UBR2: variants seen among roughly 807,000 people sequenced by gnomAD.
The protein encoded by UBR2 is E3 ubiquitin-protein ligase UBR2.
Under a neutral mutation model 247.9 loss-of-function variants are expected in UBR2, and 92 were observed. The ratio of observed to expected loss-of-function variants is 0.37; its 90% CI spans 0.31 to 0.44. UBR2 has a LOEUF of 0.44. Ranked by LOEUF, UBR2 falls within the 20% of genes least tolerant of loss-of-function variation. The pLI is 1.00. For missense variants in UBR2, 1,613 were observed against 2,112.6 expected, an observed-to-expected ratio of 0.76 and a Z score of 4.64; for synonymous variants, 672 against 693.5, an observed-to-expected ratio of 0.97 and a Z score of 0.49.
intron 2 of UBR2, among the ~76,000 whole-genome samples, chr6:42,581,246 G>A (rs1791881460): frequency 6.6e-6 from 1 of 150,850 alleles, no homozygotes; most frequent in Non-Finnish European, 1.5e-5. Flanking sequence ...CTGAAGTGCA[G>A]TGGCATGATC....
chr6:42,586,757 C>T (rs1268868541), intron 2 of UBR2, among the ~76,000 whole-genome samples: 2 of 150,310 alleles, frequency 1.3e-5, no homozygotes, highest in African/African-American at 4.9e-5. Context: ...ACGAACCTTG[C>T]ATTTATAGTT....
chr6:42,678,530 C>A lies in UBR2; in HGVS notation c.4479-9C>A. On this transcript the variant is annotated splice_polypyrimidine_tract_variant and intron_variant, in intron 40 of 46. Coordinates refer to ENST00000372901, the MANE Select transcript of UBR2 (RefSeq NM_001363705.2). Reference sequence around the variant, plus strand: ...TAGATTTCCCAATAATCTTTTTTTTCTTTTTTAGTGCCTTGAAAGAAATAC... The same window carrying A: ...TAGATTTCCCAATAATCTTTTTTTTATTTTTTAGTGCCTTGAAAGAAATAC... 6.3e-7 allele frequency: 1 copy of A among 1,590,040 alleles called. No homozygotes were observed. Among genetic ancestry groups the A allele is most frequent in the South Asian group, 1.2e-5 (1 of 85,914 alleles).
chr6:42,622,942 C>T (rs1396862499), intron 11 of UBR2, among the ~76,000 whole-genome samples: 2 of 151,778 alleles, frequency 1.3e-5, no homozygotes, highest in African/African-American at 2.4e-5. Flanking sequence ...ACTGGGATTA[C>T]AGGCATGAGC....
intron 10 of UBR2, 28 bp downstream of exon 10, chr6:42,616,118 G>T (rs376455516): frequency 2.0e-6 from 3 of 1,518,980 alleles, no homozygotes; most frequent in Non-Finnish European, 2.7e-6. Flanking sequence ...TTTGAAAATA[G>T]GTTATATATA....
chr6:42,645,237 G>A (rs9367159), intron 20 of UBR2, among the ~76,000 whole-genome samples: 139,652 of 152,170 alleles, frequency 0.92, 64,206 homozygotes, highest in East Asian at 1. Flanking sequence ...CAAAACAGCA[G>A]AAAGAGCTCT....
intron 26 of UBR2, 58 bp from the exon 27 acceptor site, chr6:42,657,966 G>C: frequency 7.7e-7 from 1 of 1,306,034 alleles, no homozygotes; most frequent in Admixed American, 1.8e-5. Context: ...CTGTGCGTAG[G>C]AATAAGTACT....
chr6:42,610,999 C>T (rs1041873269), intron 7 of UBR2, among the ~76,000 whole-genome samples: 3 of 151,416 alleles, frequency 2.0e-5, no homozygotes, highest in African/African-American at 7.3e-5. Context: ...GCATGCTCCA[C>T]CACGCTCGGC....
intron 42 of UBR2, 28 bp downstream of exon 42, chr6:42,679,860 T>C (rs1340405678): frequency 8.5e-6 from 13 of 1,529,014 alleles, no homozygotes; most frequent in Non-Finnish European, 1.2e-5. Context: ...TTCTTTGTTG[T>C]ATTAAATAGC....
At chr6:42,685,539 G>A (rs1000669205) in intron 44 of UBR2, among the ~76,000 whole-genome samples, 1 of 149,696 alleles carries the variant, frequency 6.7e-6, no homozygotes, top group Non-Finnish European at 1.5e-5. Flanking sequence ...ACCTTGGCTC[G>A]CTGCAACCTC....
chr6:42,662,566 A>G (rs1797877504), intron 31 of UBR2, among the ~76,000 whole-genome samples: 1 of 152,194 alleles, frequency 6.6e-6, no homozygotes, highest in South Asian at 2.1e-4. Flanking sequence ...ACAGTAGGAT[A>G]AACTCTAGAA....
Position 42,676,872 on chromosome 6 carries a change from A to G in UBR2, c.4477A>G (p.Ser1493Gly). 6.2e-7 allele frequency: 1 copy of G among 1,610,890 alleles called. No homozygotes were observed. The highest frequency in any genetic ancestry group is 8.5e-7 in the Non-Finnish European group (1 of 1,177,232). The part of the protein sequence containing the change: ...LYKTLHQYTG[S>G]ALKEIPSGWH... ...TAAAACACTTCACCAGTATACGGGAAGGTGAGTTAGTTATCTTTACATAAC... is the reference window on the plus strand; with the variant it reads ...TAAAACACTTCACCAGTATACGGGAGGGTGAGTTAGTTATCTTTACATAAC... Residue 1493 changes from serine (S) to glycine (G), a missense_variant and splice_region_variant, in exon 40 of 47, where the codon AGT (serine) becomes GGT (glycine). Physicochemically the swap from Ser to Gly is moderately conservative, Grantham distance 56. Coordinates refer to ENST00000372901, the MANE Select transcript of UBR2 (RefSeq NM_001363705.2).
rs1309877348 is a variant in UBR2, at chr6:42,691,036, G to A, written c.5131G>A (p.Gly1711Arg). Residue 1711 changes from glycine to arginine, a missense_variant, in exon 47 of 47, where the codon GGA becomes AGA. Gly to Arg is a moderately radical substitution (Grantham distance 125, BLOSUM62 -2). This residue lies in a region of UBR2 where 80 missense variants were observed against 108.6 expected (regional missense o/e 0.74). Transcript: ENST00000372901. ...YGETDQGLRR[G>R]NPLHLCKERF... ...ACATGTGTCTTCTCTTTCTAGACGGGGAAATCCTTTACATTTATGCAAAGA... is the reference window on the plus strand; with the variant it reads ...ACATGTGTCTTCTCTTTCTAGACGGAGAAATCCTTTACATTTATGCAAAGA... 1 of 1,613,800 alleles carries A rather than the reference G, an allele frequency of 6.2e-7. No homozygotes were observed. The highest frequency in any genetic ancestry group is 8.5e-7 in the Non-Finnish European group (1 of 1,179,990).
intron 7 of UBR2, among the ~76,000 whole-genome samples, chr6:42,611,036 G>A (rs2151934092): frequency 6.6e-6 from 1 of 150,978 alleles, no homozygotes; most frequent in South Asian, 2.1e-4. Flanking sequence ...AGTAGAGACG[G>A]GGTTTCACCA....
intron 32 of UBR2, 37 bp downstream of exon 32, chr6:42,663,456 A>C (rs1797935070): frequency 1.9e-6 from 3 of 1,558,700 alleles, no homozygotes; most frequent in African/African-American, 2.8e-5. Context: ...ACAAAGCAAT[A>C]GTTTGCTTTG....
intron 4 of UBR2, among the ~76,000 whole-genome samples, chr6:42,600,528 T>A (rs910131813): frequency 1.3e-5 from 2 of 151,406 alleles, no homozygotes; most frequent in African/African-American, 4.9e-5. Context: ...CAGAAATAAT[T>A]CTTTATGATG....
rs1309699094 is a variant in UBR2 at position 42,602,435 on chromosome 6, C to G, written c.532-1153C>G. Among the ~76,000 whole-genome samples the G allele has an allele frequency of 3.3e-5, 5 of 151,932 alleles. No individual in the cohort carries two copies. In the South Asian group the frequency reaches 8.3e-4, roughly 25 times the overall value. ...GCCAGGATGGTTTCAATCTCCTGAC[C>G]TCGCGATCCGCCTGCATCAGCCTCA... On this transcript the variant is annotated intron_variant, in intron 4 of 46. Coordinates refer to ENST00000372901, the MANE Select transcript of UBR2 (RefSeq NM_001363705.2).
intron 22 of UBR2, among the ~76,000 whole-genome samples, 194 bp from the exon 23 acceptor site, chr6:42,650,090 G>T (rs1562358268): frequency 6.6e-6 from 1 of 152,156 alleles, no homozygotes; most frequent in Non-Finnish European, 1.5e-5. Flanking sequence ...AATTCCAAGT[G>T]GGCATGCTAA....
chr6:42,642,487 G>T lies in UBR2; in HGVS notation c.2097+6G>T. On this transcript the variant is annotated splice_donor_region_variant and intron_variant, in intron 18 of 46. Transcript: ENST00000372901. ...AGGATGTAGTAATGCTTCAGGTAAT[G>T]AATTAAAAGCATTGAACTTAAAGGT... 1 of 1,606,212 alleles carries T rather than the reference G, an allele frequency of 6.2e-7. No individual in the cohort carries two copies. The highest frequency in any genetic ancestry group is 1.1e-5 in the South Asian group (1 of 90,622).
intron 1 of UBR2, among the ~76,000 whole-genome samples, chr6:42,572,663 A>T (rs1449715402): frequency 2.0e-5 from 3 of 151,406 alleles, no homozygotes; most frequent in African/African-American, 7.3e-5. Context: ...CTTTCCCTCC[A>T]TCTGTGGGTT....
Sources: gnomAD v4.1 joint callset for allele counts (sites outside exome capture counted in the v4.1 genomes callset) on GRCh38, gnomAD v4.1.1 for gene constraint, gnomAD v4.1.1 regional missense constraint, MANE v1.5 for transcripts, NCBI Gene and HGNC (gene_info 2026-07-23, HGNC 2026-07-21) for gene names.